Variants in SNTG2 observed in about 807,000 individuals in gnomAD.
SNTG2 encodes syntrophin gamma 2.
Under a neutral mutation model 70.9 loss-of-function variants are expected in SNTG2, and 74 were observed. The observed-to-expected ratio is 1.04, with a 90% CI of 0.86 to 1.27. The LOEUF (loss-of-function observed/expected upper bound fraction) is 1.27. SNTG2 is among the 50% of genes most tolerant of loss of function. The probability of loss-of-function intolerance (pLI) is 0.00; values close to 1 mark genes in which losing one functional copy is unlikely to be tolerated. For missense variants in SNTG2, 717 were observed against 690.7 expected (o/e 1.04, Z -0.43); for synonymous variants, 278 against 273.8 (o/e 1.02, Z -0.15).
intron 1 of SNTG2, among the ~76,000 whole-genome samples, chr2:1,081,464 AGGGTCTT>A (rs1664291468): frequency 6.6e-6 from 1 of 152,202 alleles, no homozygotes; most frequent in Non-Finnish European, 1.5e-5. Flanking sequence ...AATACTGAGG[AGGGTCTT>A]CCTGCCCTTA....
intron 1 of SNTG2, among the ~76,000 whole-genome samples, chr2:986,299 A>G (rs1234872713): frequency 6.6e-6 from 1 of 152,146 alleles, no homozygotes. Context: ...ACGCTCTACC[A>G]GGGTTGTTTG....
intron 9 of SNTG2, among the ~76,000 whole-genome samples, chr2:1,228,598 T>C (rs541604414): frequency 1.3e-5 from 2 of 152,332 alleles, no homozygotes; most frequent in South Asian, 4.1e-4. Context: ...AGCTGTGGAC[T>C]AAAGGGACAG....
intron 8 of SNTG2, among the ~76,000 whole-genome samples, chr2:1,177,419 C>T (rs1208160070): frequency 1.3e-5 from 2 of 151,604 alleles, no homozygotes; most frequent in Admixed American, 1.3e-4. Flanking sequence ...TGCAGCAAAC[C>T]ACCATGGCAC....
At chr2:1,152,752 A>C (rs985612515) in intron 6 of SNTG2, among the ~76,000 whole-genome samples, 1 of 152,172 alleles carries the variant, frequency 6.6e-6, no homozygotes, top group Non-Finnish European at 1.5e-5. Flanking sequence ...TTTGATCTTA[A>C]GGACCCAACT....
At chr2:1,169,394 C>T (rs972558391) in intron 7 of SNTG2, among the ~76,000 whole-genome samples, 1 of 152,152 alleles carries the variant, frequency 6.6e-6, no homozygotes, top group Non-Finnish European at 1.5e-5. Flanking sequence ...GGTGCTGCGT[C>T]TAAGCCAGCT....
At chr2:1,337,594 T>C (rs1206608180) in intron 16 of SNTG2, among the ~76,000 whole-genome samples, 2 of 152,188 alleles carry the variant, frequency 1.3e-5, no homozygotes, top group Non-Finnish European at 2.9e-5. Context: ...TATTAGCTCC[T>C]TATCAAATGT....
chr2:1,242,104 A>T (rs1361495759), intron 11 of SNTG2, among the ~76,000 whole-genome samples: 1 of 152,176 alleles, frequency 6.6e-6, no homozygotes, highest in Non-Finnish European at 1.5e-5. Flanking sequence ...ATGTAGGATG[A>T]TGAAGAACTA....
chr2:1,286,188 G>A (rs577872639), intron 14 of SNTG2, among the ~76,000 whole-genome samples: 1 of 152,166 alleles, frequency 6.6e-6, no homozygotes, highest in Non-Finnish European at 1.5e-5. Context: ...AATGTCGAGG[G>A]AACTGGAAAC....
At chr2:1,054,101 CAT>C (rs1442386399) in intron 1 of SNTG2, among the ~76,000 whole-genome samples, 1 of 152,188 alleles carries the variant, frequency 6.6e-6, no homozygotes, top group Non-Finnish European at 1.5e-5. Flanking sequence ...GCCACCTGCA[CAT>C]GTCTGCTGGG....
intron 13 of SNTG2, among the ~76,000 whole-genome samples, chr2:1,262,582 T>TCTCAGTCCAGACGAGGAAACCCAAAGG (rs1288455356): frequency 0.092 from 12,221 of 132,214 alleles, 2,956 homozygotes; most frequent in African/African-American, 0.22. Context: ...CCGGGTCAAG[T>TCTCAGTCCAGACGAGGAAACCCAAAGG]CTCAGTCCAG....
intron 1 of SNTG2, among the ~76,000 whole-genome samples, chr2:986,435 ATAATGC>A (rs1320018982): frequency 6.6e-6 from 1 of 152,248 alleles, no homozygotes; most frequent in East Asian, 1.9e-4. Context: ...AGACTAACAG[ATAATGC>A]TGATTTACCT....
intron 1 of SNTG2, among the ~76,000 whole-genome samples, chr2:964,011 G>T (rs1660444270): frequency 6.6e-6 from 1 of 152,000 alleles, no homozygotes; most frequent in South Asian, 2.1e-4. Flanking sequence ...CTAGTCTCAA[G>T]GCTCAGCGAT....
At chr2:1,229,763 C>T (rs1395140774) in intron 9 of SNTG2, among the ~76,000 whole-genome samples, 1 of 152,252 alleles carries the variant, frequency 6.6e-6, no homozygotes, top group African/African-American at 2.4e-5. Flanking sequence ...CAGCCAAGGC[C>T]CAGTGAGAAA....
chr2:964,692 G>A (rs1435952864), intron 1 of SNTG2, among the ~76,000 whole-genome samples: 1 of 152,152 alleles, frequency 6.6e-6, no homozygotes, highest in Non-Finnish European at 1.5e-5. Context: ...CAGGGTCCTC[G>A]AGACACGGGG....
At chr2:1,293,021 T>C (rs114135448) in intron 14 of SNTG2, among the ~76,000 whole-genome samples, 2,478 of 152,326 alleles carry the variant, frequency 0.016, 21 homozygotes, top group Non-Finnish European at 0.025. Context: ...TTCAGTCCCA[T>C]TGCAAGCTAC....
rs542132355 is a variant in SNTG2, at chr2:1,082,730, G to T, written c.73-788G>T. Among the ~76,000 whole-genome samples the T allele has an allele frequency of 3.9e-5, 6 of 152,222 alleles. No homozygotes were observed. In the South Asian group the frequency reaches 6.2e-4, roughly 16 times the overall value. ...GGGCATAACTGCTATCCTGTGGGAC[G>T]CCCAAGCCCTGTGCCTGACCGGCGG... On this transcript the variant is annotated intron_variant, in intron 1 of 16. Coordinates refer to ENST00000308624, the MANE Select transcript of SNTG2 (RefSeq NM_018968.4).
chr2:1,279,639 T>C (rs895315905), intron 14 of SNTG2, among the ~76,000 whole-genome samples: 1 of 152,252 alleles, frequency 6.6e-6, no homozygotes, highest in African/African-American at 2.4e-5. Context: ...GCTATATCTG[T>C]ACCGCATCTC....
intron 4 of SNTG2, among the ~76,000 whole-genome samples, chr2:1,114,228 CTAAG>C (rs767746308): frequency 2.5e-4 from 37 of 150,124 alleles, no homozygotes; most frequent in Non-Finnish European, 4.9e-4. Context: ...ATCTTGTGTA[CTAAG>C]TGAGGTTTAA....
chr2:1,179,238 T>C (rs2147902906), intron 8 of SNTG2, among the ~76,000 whole-genome samples: 1 of 152,302 alleles, frequency 6.6e-6, no homozygotes, highest in Non-Finnish European at 1.5e-5. Context: ...ATTTTGTTGA[T>C]CCTTTCAAAA....
Sources: allele counts gnomAD v4.1 joint callset (sites outside exome capture counted in the v4.1 genomes callset), GRCh38; gene constraint gnomAD v4.1.1; transcripts MANE v1.5; gene names NCBI Gene and HGNC (gene_info 2026-07-23, HGNC 2026-07-21).